The following SMC3 variants were observed in gnomAD, a reference collection of about 807,000 sequenced individuals.
The protein encoded by SMC3 is structural maintenance of chromosomes 3, also known as structural maintenance of chromosomes protein 3.
SMC3 carries 20 observed loss-of-function variants against 171.8 expected under a neutral mutation model. That is an observed-to-expected ratio of 0.12 (90% CI 0.08 to 0.17). The LOEUF (loss-of-function observed/expected upper bound fraction) is 0.17, where lower values mean the gene tolerates loss of function less well. Ranked by LOEUF, SMC3 falls within the 10% of genes least tolerant of loss-of-function variation. The pLI, the probability that SMC3 is intolerant of heterozygous loss-of-function variation, is 1.00. For missense variants in SMC3, 543 were observed against 1,420.4 expected (o/e 0.38, Z 9.93); for synonymous variants, 464 against 451.1 (o/e 1.03, Z -0.36).
intron 2 of SMC3, among the ~76,000 whole-genome samples, chr10:110,570,567 A>G (rs1860855812): frequency 6.6e-6 from 1 of 152,198 alleles, no homozygotes; most frequent in East Asian, 1.9e-4. Flanking sequence ...GAAAATCTTT[A>G]GAAATGTAGA....
At position 110,583,418 on chromosome 10, in the gene SMC3, A is replaced by G; in HGVS notation, c.839A>G (p.Lys280Arg). ...CGCCAAGTTAGAGAATTGAAAACAA[A>G]AATTTCAGCTATGAAAGAAGAAAAA... is the stretch of plus-strand genomic sequence containing the variant. ...IERQVRELKT[K>R]ISAMKEEKEQ... Residue 280 changes from lysine (K) to arginine (R), a missense_variant, in exon 11 of 29, where the codon AAA (lysine) becomes AGA (arginine). Physicochemically the swap from Lys to Arg is conservative, Grantham distance 26 (BLOSUM62 2). Transcript: ENST00000361804. 6.2e-7 allele frequency: 1 copy of G among 1,614,058 alleles called. No individual in the cohort carries two copies.
At chr10:110,599,557 A>G (rs1227568048) in intron 20 of SMC3, 97 bp from the exon 21 acceptor site, 4 of 1,074,198 alleles carry the variant, frequency 3.7e-6, no homozygotes, top group African/African-American at 1.6e-5. Flanking sequence ...TGATATGTCT[A>G]TATATTTAGC....
In SMC3 at chr10:110,605,009, C is replaced by G. The variant is rs1015709913; in HGVS notation, c.*707C>G. On this transcript the variant is annotated 3_prime_UTR_variant, in exon 29 of 29. Coordinates refer to ENST00000361804, the MANE Select transcript of SMC3 (RefSeq NM_005445.4). ...TCTGTCATTGTTTATCATATCTTGACAATTTTGAATAATATTCACATATTT... is the reference window on the plus strand; with the variant it reads ...TCTGTCATTGTTTATCATATCTTGAGAATTTTGAATAATATTCACATATTT... Among the ~76,000 whole-genome samples, 16 of 152,280 alleles carry G rather than the reference C, an allele frequency of 1.1e-4. No homozygotes were observed. The highest frequency in any genetic ancestry group is 3.8e-4 in the African/African-American group (16 of 41,568).
At chr10:110,592,885 T>C (rs562208093) in intron 17 of SMC3, among the ~76,000 whole-genome samples, 188 bp from the exon 18 acceptor site, 1 of 152,328 alleles carries the variant, frequency 6.6e-6, no homozygotes, top group Admixed American at 6.5e-5. Context: ...AAACCTTGAT[T>C]ACAAGAGCAA....
At chr10:110,583,679 T>C in intron 11 of SMC3, 131 bp downstream of exon 11, 1 of 1,189,700 alleles carries the variant, frequency 8.4e-7, no homozygotes, top group African/African-American at 1.5e-5. Flanking sequence ...TAATTTGTAC[T>C]CAAGTAACAA....
intron 10 of SMC3, 148 bp from the exon 11 acceptor site, chr10:110,583,236 T>C (rs1861059046): frequency 4.3e-6 from 3 of 690,582 alleles, no homozygotes; most frequent in Non-Finnish European, 4.9e-6. Context: ...ACCAGAATTA[T>C]GGAATGATTA....
At chr10:110,594,994 A>ATT (rs529113248) in intron 18 of SMC3, among the ~76,000 whole-genome samples, 17,095 of 145,666 alleles carry the variant, frequency 0.12, 1,125 homozygotes, top group East Asian at 0.25. Flanking sequence ...TCTTCTCTTT[A>ATT]TTTTTTTTTT....
chr10:110,567,971 G>T, intron 1 of SMC3, 140 bp downstream of exon 1: 1 of 1,042,648 alleles, frequency 9.6e-7, no homozygotes, highest in Non-Finnish European at 1.4e-6. Flanking sequence ...TGGGGGAGGA[G>T]GGAGACCCGG....
At chr10:110,583,173 T>A (rs922211588) in intron 10 of SMC3, among the ~76,000 whole-genome samples, 3 of 152,168 alleles carry the variant, frequency 2.0e-5, no homozygotes, top group Non-Finnish European at 2.9e-5. Flanking sequence ...TTTACAGGCA[T>A]GAGCAACCAT....
In SMC3 at chr10:110,590,314, G is replaced by A. The variant is rs1861185934; in HGVS notation, c.1510-98G>A. 5.9e-6 allele frequency: 6 copies of A among 1,014,166 alleles called. No homozygotes were observed. The South Asian group carries it at 8.0e-5, about 14-fold the overall frequency. 62.8% of individuals were successfully genotyped at this position (1,014,166 alleles called of 1,614,324 possible). ...GGAGAGGATGTTTAGTTTAATCACTGGTATATTTTTAAAATGTATGGTGTT... is the reference window on the plus strand; with the variant it reads ...GGAGAGGATGTTTAGTTTAATCACTAGTATATTTTTAAAATGTATGGTGTT... On this transcript the variant is annotated intron_variant, in intron 15 of 28. Coordinates refer to ENST00000361804, the MANE Select transcript of SMC3 (RefSeq NM_005445.4).
intron 8 of SMC3, among the ~76,000 whole-genome samples, chr10:110,581,236 G>A (rs1329618906): frequency 1.4e-5 from 1 of 69,944 alleles, no homozygotes; most frequent in South Asian, 4.9e-4. Flanking sequence ...TTTTTTTTTT[G>A]AGATGGAGTC....
In SMC3 at chr10:110,592,717, A is replaced by G. The variant is rs148719536; in HGVS notation, c.1813-356A>G. Among the ~76,000 whole-genome samples, 573 of 152,306 alleles carry G rather than the reference A, an allele frequency of 3.8e-3. 3 individuals carry two copies. The highest frequency in any genetic ancestry group is 0.013 in the African/African-American group (535 of 41,578). On this transcript the variant is annotated intron_variant, in intron 17 of 28. Transcript: ENST00000361804. ...TCACAACTTTATAAGGAAGGTATGT[A>G]TTGTCTACGATTTTGTAGATAAAGT...
intron 18 of SMC3, among the ~76,000 whole-genome samples, chr10:110,595,744 ATTTTTT>A (rs56285126): frequency 1.3e-5 from 2 of 150,908 alleles, no homozygotes; most frequent in African/African-American, 4.9e-5. Flanking sequence ...TGATTCATGA[ATTTTTT>A]TTTTTTAATT....
Position 110,577,829 on chromosome 10 carries a change from T to G in SMC3, c.271-6T>G, listed in dbSNP as rs756753774. 10 of 1,601,412 alleles carry G rather than the reference T, an allele frequency of 6.2e-6. No individual in the cohort carries two copies. The highest frequency in any genetic ancestry group is 3.3e-5 in the South Asian group (3 of 90,514). On this transcript the variant is annotated splice_polypyrimidine_tract_variant and splice_region_variant and intron_variant, in intron 5 of 28. Coordinates refer to ENST00000361804, the MANE Select transcript of SMC3 (RefSeq NM_005445.4). ...ATTAACTGTGGGCTTTTACATTTTTTCTTAGATCGATAAAGAGGAAGTTTC... is the reference window on the plus strand; with the variant it reads ...ATTAACTGTGGGCTTTTACATTTTTGCTTAGATCGATAAAGAGGAAGTTTC...
Position 110,590,501 on chromosome 10 carries a change from T to C in SMC3, c.1599T>C (p.His533=), listed in dbSNP as rs200551010. The change falls in exon 16 of 29, where the codon CAT becomes CAC. Residue 533 remains histidine (H), a synonymous_variant. Transcript: ENST00000361804. ...GINQHVQNGY[H]GIVMNNFECE... ...ACCAGCATGTTCAAAATGGCTATCATGGTATTGTAATGAATAACTTTGAAT... is the reference window on the plus strand; with the variant it reads ...ACCAGCATGTTCAAAATGGCTATCACGGTATTGTAATGAATAACTTTGAAT... 6.8e-6 allele frequency: 11 copies of C among 1,613,896 alleles called. No homozygotes were observed. Among genetic ancestry groups the C allele is most frequent in the African/African-American group, 6.7e-5 (5 of 74,946 alleles).
intron 20 of SMC3, 125 bp from the exon 21 acceptor site, chr10:110,599,529 G>T: frequency 1.3e-6 from 1 of 771,178 alleles, no homozygotes; most frequent in South Asian, 2.0e-5. Flanking sequence ...CAAATTAATA[G>T]GCACCTAATA....
intron 11 of SMC3, 88 bp downstream of exon 11, chr10:110,583,636 T>G: frequency 5.5e-6 from 8 of 1,445,852 alleles, no homozygotes; most frequent in South Asian, 2.4e-5. Flanking sequence ...TGGTGTGTGT[T>G]GGAATTTTTT....
intron 4 of SMC3, among the ~76,000 whole-genome samples, chr10:110,576,779 T>G (rs961777141): frequency 6.6e-6 from 1 of 152,220 alleles, no homozygotes; most frequent in Non-Finnish European, 1.5e-5. Context: ...TCATTGTATT[T>G]ACTACATAGT....
intron 25 of SMC3, 58 bp downstream of exon 25, chr10:110,602,236 T>C: frequency 1.4e-6 from 2 of 1,474,658 alleles, no homozygotes; most frequent in Admixed American, 1.7e-5. Context: ...TCCAGCTCTT[T>C]TCAGTTTGTA....
Sources: allele counts gnomAD v4.1 joint callset (sites outside exome capture counted in the v4.1 genomes callset), GRCh38; gene constraint gnomAD v4.1.1; transcripts MANE v1.5; gene names NCBI Gene and HGNC (gene_info 2026-07-23, HGNC 2026-07-21).